SLAMF6: variants seen among roughly 807,000 people sequenced by gnomAD.
SLAMF6 encodes SLAM family member 6.
Under a neutral mutation model 38.3 loss-of-function variants are expected in SLAMF6, and 21 were observed. The observed-to-expected ratio is 0.55, with a 90% CI of 0.39 to 0.79. The LOEUF is 0.79. SLAMF6 is among the 30% of genes least tolerant of loss of function. The pLI, the probability that SLAMF6 is intolerant of heterozygous loss-of-function variation, is 0.00. For synonymous variants in SLAMF6, 152 were observed against 146.3 expected, an observed-to-expected ratio of 1.04 and a Z score of -0.28; for missense variants, 341 against 385.3, an observed-to-expected ratio of 0.89 and a Z score of 0.96.
chr1:160,490,721 A>G lies in SLAMF6; in HGVS notation c.647-36T>C, dbSNP rs547953178. 71 of 1,606,226 alleles carry G rather than the reference A, an allele frequency of 4.4e-5. 1 individual carries two copies. The South Asian group carries it at 6.3e-4, about 14-fold the overall frequency. The stretch of plus-strand genomic sequence containing the variant: ...AAAAAAGAAATGACATTTGAGACAC[A>G]TCAAGTGAGGCCCACTGTTCTTGGA... On this transcript the variant is annotated intron_variant, in intron 3 of 7. Coordinates refer to ENST00000368057, the MANE Select transcript of SLAMF6 (RefSeq NM_001184714.2).
intron 1 of SLAMF6, among the ~76,000 whole-genome samples, chr1:160,515,055 A>T (rs993144305): frequency 1.6e-4 from 24 of 152,160 alleles, no homozygotes; most frequent in Admixed American, 1.6e-3. Flanking sequence ...CAAAAAAATC[A>T]AGGAGTCCAG....
intron 1 of SLAMF6, among the ~76,000 whole-genome samples, chr1:160,497,986 C>T (rs977206001): frequency 5.9e-5 from 9 of 152,092 alleles, no homozygotes; most frequent in African/African-American, 2.2e-4. Context: ...TTTCCTTTGG[C>T]TATATACCCA....
intron 1 of SLAMF6, among the ~76,000 whole-genome samples, chr1:160,516,665 T>C (rs1466003463): frequency 2.6e-5 from 4 of 151,934 alleles, no homozygotes. Flanking sequence ...AACAGACACA[T>C]AGACCAATGG....
chr1:160,501,387 A>G (rs1332266482), intron 1 of SLAMF6, among the ~76,000 whole-genome samples: 2 of 152,198 alleles, frequency 1.3e-5, no homozygotes. Context: ...TATACATGCA[A>G]TTGCAAGCAG....
chr1:160,495,626 T>C (rs34495997), intron 2 of SLAMF6, among the ~76,000 whole-genome samples: 7,324 of 152,272 alleles, frequency 0.048, 257 homozygotes, highest in Non-Finnish European at 0.07. Context: ...TCGTGGCAGG[T>C]AGTTATGTGG....
chr1:160,518,196 C>T (rs1654830357), intron 1 of SLAMF6, among the ~76,000 whole-genome samples: 1 of 151,532 alleles, frequency 6.6e-6, no homozygotes, highest in Non-Finnish European at 1.5e-5. Context: ...CACATCAAAA[C>T]CACAATGGGA....
Position 160,499,122 on chromosome 1 carries a change from A to G in SLAMF6, c.50-2729T>C, listed in dbSNP as rs148779559. Reference sequence around the variant, plus strand: ...TGCAATTGCTTTTGGGGACCTAGCCAAAAATTCTTTGCCAAGGCCAGTGTC... The same window carrying G: ...TGCAATTGCTTTTGGGGACCTAGCCGAAAATTCTTTGCCAAGGCCAGTGTC... On this transcript the variant is annotated intron_variant, in intron 1 of 7. Coordinates refer to ENST00000368057, the MANE Select transcript of SLAMF6 (RefSeq NM_001184714.2). 9.8e-5 allele frequency among the ~76,000 whole-genome samples: 15 copies of G among 152,318 alleles called. No individual in the cohort carries two copies. The East Asian group carries it at 2.9e-3, about 29-fold the overall frequency.
At chr1:160,513,805 C>A (rs368502012) in intron 1 of SLAMF6, among the ~76,000 whole-genome samples, 1 of 152,152 alleles carries the variant, frequency 6.6e-6, no homozygotes, top group Non-Finnish European at 1.5e-5. Flanking sequence ...TTCAGACAAT[C>A]AAATGCTGAG....
In SLAMF6 at chr1:160,490,108, C is replaced by A; in HGVS notation, c.796+90G>T. On this transcript the variant is annotated intron_variant, in intron 5 of 7. Coordinates refer to ENST00000368057, the MANE Select transcript of SLAMF6 (RefSeq NM_001184714.2). ...ATGACATTCTGACTCCTTCCTCTGT[C>A]ATTATCCAGCCCTCTGCCATCCCCC... 2.1e-6 allele frequency: 3 copies of A among 1,423,882 alleles called. No individual in the cohort carries two copies. The South Asian group carries it at 3.4e-5, about 16-fold the overall frequency. 88.2% of individuals were successfully genotyped at this position (1,423,882 alleles called of 1,614,324 possible). A position where few individuals can be genotyped will look rare whatever the true frequency, so the allele number is the denominator to read the frequency against.
At position 160,485,756 on chromosome 1, in the gene SLAMF6, C is replaced by G. The variant is rs1652930718; in HGVS notation, c.*951G>C. On this transcript the variant is annotated 3_prime_UTR_variant, in exon 8 of 8. Coordinates refer to ENST00000368057, the MANE Select transcript of SLAMF6 (RefSeq NM_001184714.2). ...CAAAAGTGAGGACAACTGTTCTGAT[C>G]TTAAGGTAGGATTCAGGTTAGAGGT... is the stretch of plus-strand genomic sequence containing the variant. 1 of 152,650 alleles carries G rather than the reference C, an allele frequency of 6.6e-6. No homozygotes were observed. The highest frequency in any genetic ancestry group is 2.4e-5 in the African/African-American group (1 of 41,426). 9.5% of individuals were successfully genotyped at this position (152,650 alleles called of 1,614,324 possible).
chr1:160,512,635 C>T (rs371183425), intron 1 of SLAMF6, among the ~76,000 whole-genome samples: 51 of 152,214 alleles, frequency 3.4e-4, no homozygotes, highest in African/African-American at 1.1e-3. Flanking sequence ...CCCTCTTGGA[C>T]GGAGCTCCCA....
At chr1:160,521,290 C>T (rs1003727431) in intron 1 of SLAMF6, among the ~76,000 whole-genome samples, 2 of 152,228 alleles carry the variant, frequency 1.3e-5, no homozygotes, top group Admixed American at 6.5e-5. Flanking sequence ...CCATTTCCCC[C>T]ATAAATGTGG....
In SLAMF6 at chr1:160,496,330, A is replaced by C. The variant is rs1336104193; in HGVS notation, c.113T>G (p.Val38Gly). ...TGCAGGAAACTCCAGGGGAAGAGTT[A>C]CTGACTCCCCCAGAATCCCGTTCAC... is the stretch of plus-strand genomic sequence containing the variant. The part of the protein sequence containing the change: ...LMVNGILGES[V>G]TLPLEFPAGE... The change falls in exon 2 of 8, where the codon GTA (valine) becomes GGA (glycine). Residue 38 changes from valine to glycine, a missense_variant. By Grantham distance (109) the Val-to-Gly change is moderately radical. Coordinates refer to ENST00000368057, the MANE Select transcript of SLAMF6 (RefSeq NM_001184714.2). The C allele has an allele frequency of 1.4e-5, 23 of 1,613,870 alleles. No homozygotes were observed. The highest frequency in any genetic ancestry group is 1.9e-5 in the Non-Finnish European group (23 of 1,179,908).
chr1:160,506,512 G>C (rs1428922510), intron 1 of SLAMF6, among the ~76,000 whole-genome samples: 1 of 152,138 alleles, frequency 6.6e-6, no homozygotes, highest in East Asian at 1.9e-4. Flanking sequence ...TGTACTGTAA[G>C]AAATACTAAA....
chr1:160,490,816 G>T (rs1571282014), intron 3 of SLAMF6, 131 bp from the exon 4 acceptor site: 1 of 1,394,000 alleles, frequency 7.2e-7, no homozygotes, highest in Non-Finnish European at 9.5e-7. Context: ...GAGGCTCTGG[G>T]GTGGGAGTCC....
intron 6 of SLAMF6, among the ~76,000 whole-genome samples, chr1:160,487,558 A>G (rs1244025858): frequency 6.6e-6 from 1 of 152,198 alleles, no homozygotes; most frequent in Non-Finnish European, 1.5e-5. Context: ...TTTACTAGCT[A>G]TGACTGAAAC....
chr1:160,489,540 T>C (rs1349898545), intron 5 of SLAMF6, among the ~76,000 whole-genome samples: 1 of 152,222 alleles, frequency 6.6e-6, no homozygotes, highest in Admixed American at 6.5e-5. Flanking sequence ...TGGGATATTA[T>C]TAAGCTTTTC....
Position 160,521,224 on chromosome 1 carries a change from A to AGGCAG in SLAMF6, c.49+1919_49+1920insCTGCC, listed in dbSNP as rs1331898262. Among the ~76,000 whole-genome samples the AGGCAG allele has an allele frequency of 4.9e-4, 74 of 152,288 alleles. 3 individuals carry two copies. The South Asian group carries it at 0.015, about 31-fold the overall frequency. ...AGCCACTTCTCTCCTCCTGGGTCTC[A>AGGCAG]GAACACCTGCATCTGCCTCCTGTAA... On this transcript the variant is annotated intron_variant, in intron 1 of 7. Transcript: ENST00000368057.
intron 1 of SLAMF6, among the ~76,000 whole-genome samples, chr1:160,512,496 G>A (rs1210203495): frequency 6.6e-6 from 1 of 152,128 alleles, no homozygotes; most frequent in Non-Finnish European, 1.5e-5. Flanking sequence ...CATCCTTTCT[G>A]CCAAGGGACA....
Sources: allele counts gnomAD v4.1 joint callset (sites outside exome capture counted in the v4.1 genomes callset), GRCh38; gene constraint gnomAD v4.1.1; transcripts MANE v1.5; gene names NCBI Gene and HGNC (gene_info 2026-07-23, HGNC 2026-07-21).